PNPLA5: variants seen among roughly 807,000 people sequenced by gnomAD.
PNPLA5 encodes the protein patatin-like phospholipase domain-containing protein 5.
In PNPLA5, 44 loss-of-function variants were observed where a neutral mutation model predicts 49.1. The observed-to-expected ratio is 0.90, with a 90% CI of 0.70 to 1.15. The LOEUF is 1.15. Among genes scored for constraint, PNPLA5 ranks in the 50% most tolerant of loss-of-function variants. The probability of loss-of-function intolerance (pLI) is 0.00; values close to 1 mark genes in which losing one functional copy is unlikely to be tolerated. For missense variants in PNPLA5, 603 were observed against 564.0 expected, an observed-to-expected ratio of 1.07 and a Z score of -0.70; for synonymous variants, 243 against 244.4, an observed-to-expected ratio of 0.99 and a Z score of 0.06.
intron 7 of PNPLA5, 33 bp from the exon 8 acceptor site, chr22:43,881,707 T>G: frequency 6.2e-7 from 1 of 1,607,262 alleles, no homozygotes; most frequent in Non-Finnish European, 8.5e-7. Context: ...TTTGCCCAGG[T>G]GAGCCTGGGG....
intron 7 of PNPLA5, among the ~76,000 whole-genome samples, chr22:43,883,725 C>T (rs1200238584): frequency 2.0e-5 from 3 of 151,608 alleles, no homozygotes; most frequent in African/African-American, 4.8e-5. Context: ...GCAGGAGAAT[C>T]GCTTGAACCT....
intron 4 of PNPLA5, among the ~76,000 whole-genome samples, chr22:43,887,937 C>T (rs988568047): frequency 6.6e-6 from 1 of 152,238 alleles, no homozygotes; most frequent in Non-Finnish European, 1.5e-5. Flanking sequence ...GCCCCAGCCC[C>T]TCCCCTCTCT....
chr22:43,880,700 G>C lies in PNPLA5; in HGVS notation c.*95C>G. 2 of 1,155,246 alleles carry C rather than the reference G, an allele frequency of 1.7e-6. No homozygotes were observed. Among genetic ancestry groups the C allele is most frequent in the Middle Eastern group, 2.6e-4 (1 of 3,910 alleles). The allele number at this position is 1,155,246 out of a possible 1,614,324, so 71.6% of individuals were successfully genotyped here. A position where few individuals can be genotyped will look rare whatever the true frequency, so the allele number is the denominator to read the frequency against. The stretch of plus-strand genomic sequence containing the variant: ...CAGGGTCTCCACGGAGATTGGCAGG[G>C]CCTCTTCCCGCTGGGGCAGATGTGG... On this transcript the variant is annotated 3_prime_UTR_variant, in exon 9 of 9. Coordinates refer to ENST00000216177, the MANE Select transcript of PNPLA5 (RefSeq NM_138814.4).
chr22:43,880,407 C>G lies in PNPLA5; in HGVS notation c.*388G>C. 2.5e-6 allele frequency: 1 copy of G among 398,812 alleles called. No homozygotes were observed. Among genetic ancestry groups the G allele is most frequent in the Non-Finnish European group, 4.4e-6 (1 of 226,182 alleles). 24.7% of individuals were successfully genotyped at this position (398,812 alleles called of 1,614,324 possible). A position where few individuals can be genotyped will look rare whatever the true frequency, so the allele number is the denominator to read the frequency against. The stretch of plus-strand genomic sequence containing the variant: ...CACCCCATCATCTCAGTTGGCTCCT[C>G]TGGTCTCTGACGCGGGCATCAGGCA... On this transcript the variant is annotated 3_prime_UTR_variant, in exon 9 of 9. Coordinates refer to ENST00000216177, the MANE Select transcript of PNPLA5 (RefSeq NM_138814.4).
chr22:43,885,964 C>G (rs144004417), intron 6 of PNPLA5, among the ~76,000 whole-genome samples: 2 of 152,294 alleles, frequency 1.3e-5, no homozygotes, highest in Admixed American at 6.5e-5. Context: ...CCGCCCTTTC[C>G]GGGGCAGTGG....
chr22:43,889,329 C>G lies in PNPLA5; in HGVS notation c.702G>C (p.Glu234Asp). The change falls in exon 4 of 9, where the codon GAG becomes GAC. Residue 234 changes from glutamate to aspartate, a missense_variant and splice_region_variant. Transcript: ENST00000216177. Reference sequence around the variant, plus strand: ...AACACCATCACAGGGCCAGACCTACCTCGAGGCTGGGGGGTATGAGACATA... The same window carrying G: ...AACACCATCACAGGGCCAGACCTACGTCGAGGCTGGGGGGTATGAGACATA... ...GLICLIPPSL[E>D]VVADNCRQGY... The G allele has an allele frequency of 6.2e-7, 1 of 1,613,724 alleles. No homozygotes were observed. Among genetic ancestry groups the G allele is most frequent in the Non-Finnish European group, 8.5e-7 (1 of 1,179,978 alleles).
chr22:43,888,363 G>A (rs1198505696), intron 4 of PNPLA5, among the ~76,000 whole-genome samples: 1 of 146,450 alleles, frequency 6.8e-6, no homozygotes, highest in East Asian at 1.9e-4. Context: ...ATGTGGATGG[G>A]GCAGAGGAGT....
At chr22:43,891,423 C>G in intron 1 of PNPLA5, 129 bp from the exon 2 acceptor site, 1 of 1,405,632 alleles carries the variant, frequency 7.1e-7, no homozygotes, top group Non-Finnish European at 9.2e-7. Flanking sequence ...TTTCTGGGCT[C>G]GGCCCCGGAT....
At position 43,891,250 on chromosome 22, in the gene PNPLA5, G is replaced by T; in HGVS notation, c.238C>A (p.Arg80=). ...HLLGMVGQLE[R]LSLSILHPAY... The stretch of plus-strand genomic sequence containing the variant: ...GGGTGCAGGATGCTTAGGCTCAGCC[G>T]CTCCAACTGCCCAACCATGCCCAGG... Residue 80 remains arginine, a synonymous_variant, in exon 2 of 9, where the codon CGG becomes AGG. Transcript: ENST00000216177. The T allele has an allele frequency of 6.4e-7, 1 of 1,558,162 alleles. No individual in the cohort carries two copies. Among genetic ancestry groups the T allele is most frequent in the Non-Finnish European group, 8.7e-7 (1 of 1,149,900 alleles).
Position 43,891,676 on chromosome 22 carries a change from T to C in PNPLA5, c.193+12A>G, listed in dbSNP as rs1447270234. On this transcript the variant is annotated intron_variant, in intron 1 of 8. Transcript: ENST00000216177. ...TCCCCGCCCCTTTTCGCCCCCGCGG[T>C]CCGGGACTCACCGACCGACTTGCCG... is the stretch of plus-strand genomic sequence containing the variant. 1.3e-6 allele frequency: 2 copies of C among 1,543,226 alleles called. No individual in the cohort carries two copies. Among genetic ancestry groups the C allele is most frequent in the African/African-American group, 2.8e-5 (2 of 72,184 alleles).
At chr22:43,884,142 G>T in intron 7 of PNPLA5, 71 bp downstream of exon 7, 4 of 692,136 alleles carry the variant, frequency 5.8e-6, no homozygotes, top group Non-Finnish European at 8.2e-6. Context: ...TGTGCCAGCC[G>T]CCCCTCCTGC....
chr22:43,884,374 C>A, intron 6 of PNPLA5, 29 bp from the exon 7 acceptor site: 1 of 1,522,414 alleles, frequency 6.6e-7, no homozygotes, highest in Non-Finnish European at 8.8e-7. Flanking sequence ...CATGGCCCTG[C>A]CCACCTGAAG....
chr22:43,885,002 C>T (rs62226143), intron 6 of PNPLA5, among the ~76,000 whole-genome samples: 18,159 of 152,268 alleles, frequency 0.12, 1,152 homozygotes, highest in African/African-American at 0.13. Flanking sequence ...ATCCACCTGC[C>T]GAGTGTCCTA....
In PNPLA5 at chr22:43,880,794, C is replaced by A. The variant is rs781098496; in HGVS notation, c.*1G>T. 1 of 1,334,846 alleles carries A rather than the reference C, an allele frequency of 7.5e-7. No homozygotes were observed. The highest frequency in any genetic ancestry group is 9.6e-7 in the Non-Finnish European group (1 of 1,036,950). The allele number at this position is 1,334,846 out of a possible 1,614,324, so 82.7% of individuals were successfully genotyped here. On this transcript the variant is annotated 3_prime_UTR_variant, in exon 9 of 9. Transcript: ENST00000216177. Reference sequence around the variant, plus strand: ...CACTGGGCTGGCCCTGCTCGGCCCCCTCAGGCCTGGTGGGTGGGCCCGAGC... The same window carrying A: ...CACTGGGCTGGCCCTGCTCGGCCCCATCAGGCCTGGTGGGTGGGCCCGAGC...
intron 2 of PNPLA5, 124 bp from the exon 3 acceptor site, chr22:43,889,988 A>T: frequency 6.8e-7 from 1 of 1,461,276 alleles, no homozygotes. Flanking sequence ...CGTCCAGATG[A>T]GGGAGCTGAG....
chr22:43,885,578 C>T (rs970762913), intron 6 of PNPLA5, among the ~76,000 whole-genome samples: 10 of 152,136 alleles, frequency 6.6e-5, no homozygotes, highest in African/African-American at 2.4e-4. Context: ...ATGCCCTCTC[C>T]CCGATGCTCT....
chr22:43,889,206 G>A (rs541383862), intron 4 of PNPLA5, 123 bp downstream of exon 4: 17 of 1,087,092 alleles, frequency 1.6e-5, no homozygotes, highest in South Asian at 4.5e-5. Flanking sequence ...TGTGAGACTC[G>A]GGACATGTGT....
At chr22:43,889,201 G>C in intron 4 of PNPLA5, 128 bp downstream of exon 4, 3 of 1,036,146 alleles carry the variant, frequency 2.9e-6, no homozygotes, top group Non-Finnish European at 2.8e-6. Flanking sequence ...TTGGCTGTGA[G>C]ACTCGGGACA....
At chr22:43,886,239 C>G in intron 6 of PNPLA5, 64 bp downstream of exon 6, 1 of 1,528,704 alleles carries the variant, frequency 6.5e-7, no homozygotes, top group South Asian at 1.3e-5. Context: ...AAGGCAGGGT[C>G]CCTGAGCCCG....
Sources: allele counts gnomAD v4.1 joint callset (sites outside exome capture counted in the v4.1 genomes callset), GRCh38; gene constraint gnomAD v4.1.1; transcripts MANE v1.5; gene names NCBI Gene and HGNC (gene_info 2026-07-23, HGNC 2026-07-21).